Variants in DNM3 observed in about 807,000 individuals in gnomAD.
DNM3 encodes the protein dynamin-3.
DNM3 carries 47 observed loss-of-function variants against 101.6 expected under a neutral mutation model. That is an observed-to-expected ratio of 0.46 (90% CI 0.37 to 0.59). The LOEUF is 0.59. DNM3 is among the 20% of genes least tolerant of loss of function. The pLI, the probability that DNM3 is intolerant of heterozygous loss-of-function variation, is 0.00. For synonymous variants in DNM3, 385 were observed against 387.9 expected, an observed-to-expected ratio of 0.99 and a Z score of 0.09; for missense variants, 849 against 1,085.7, an observed-to-expected ratio of 0.78 and a Z score of 3.06.
chr1:172,000,170 G>A (rs991908825), intron 4 of DNM3, among the ~76,000 whole-genome samples: 13 of 152,090 alleles, frequency 8.5e-5, no homozygotes, highest in African/African-American at 2.9e-4. Flanking sequence ...TAGCAGTGGT[G>A]AATAGGAGGG....
intron 4 of DNM3, among the ~76,000 whole-genome samples, chr1:171,989,673 C>A (rs2045507839): frequency 6.6e-6 from 1 of 152,070 alleles, no homozygotes; most frequent in South Asian, 2.1e-4. Flanking sequence ...TCTCAATATC[C>A]AGAAAAGGTC....
intron 2 of DNM3, among the ~76,000 whole-genome samples, chr1:171,952,601 G>C (rs1285510658): frequency 6.6e-6 from 1 of 152,114 alleles, no homozygotes; most frequent in Non-Finnish European, 1.5e-5. Flanking sequence ...CAATCGGTTG[G>C]GGAGGCTTAG....
chr1:172,196,204 G>C (rs537672197), intron 14 of DNM3, among the ~76,000 whole-genome samples: 2 of 151,896 alleles, frequency 1.3e-5, no homozygotes, highest in Admixed American at 6.6e-5. Context: ...ATAGCCTCCA[G>C]CTCCATCCAT....
intron 1 of DNM3, among the ~76,000 whole-genome samples, chr1:171,896,648 C>T (rs2037829116): frequency 6.6e-6 from 1 of 152,162 alleles, no homozygotes; most frequent in Non-Finnish European, 1.5e-5. Flanking sequence ...ATTTCTTTCT[C>T]TTGCCTGATA....
rs916750610 is a variant in DNM3, at chr1:172,412,063, G to T, written c.*4222G>T. The T allele has an allele frequency of 3.1e-5, 31 of 984,740 alleles. 1 individual carries two copies. In the South Asian group the frequency reaches 7.5e-4, roughly 24 times the overall value. 61.0% of individuals were successfully genotyped at this position (984,740 alleles called of 1,614,324 possible). On this transcript the variant is annotated 3_prime_UTR_variant, in exon 21 of 21. Transcript: ENST00000627582. Reference sequence around the variant, plus strand: ...TATTTGTGTGTGTGTGTGTGTCTTTGTATATATGTAAGAATGTGTGTATGT... The same window carrying T: ...TATTTGTGTGTGTGTGTGTGTCTTTTTATATATGTAAGAATGTGTGTATGT...
intron 11 of DNM3, among the ~76,000 whole-genome samples, chr1:172,069,163 A>G (rs1259461147): frequency 2.0e-5 from 3 of 152,198 alleles, no homozygotes; most frequent in African/African-American, 7.2e-5. Flanking sequence ...CAGGAGTTTC[A>G]TTATTTTTTT....
chr1:172,316,226 C>G (rs1573435609), intron 16 of DNM3, among the ~76,000 whole-genome samples: 1 of 152,000 alleles, frequency 6.6e-6, no homozygotes, highest in East Asian at 1.9e-4. Context: ...CCTGAAAGAG[C>G]TCCTGAAGGA....
intron 14 of DNM3, among the ~76,000 whole-genome samples, chr1:172,241,253 G>GTGTGTGTA (rs897911023): frequency 4.0e-5 from 6 of 151,626 alleles, no homozygotes; most frequent in African/African-American, 1.2e-4. Flanking sequence ...GTGTGTGTGT[G>GTGTGTGTA]TGTGTGTGTG....
chr1:172,062,241 T>G (rs1338141640), intron 10 of DNM3, among the ~76,000 whole-genome samples: 3 of 152,170 alleles, frequency 2.0e-5, no homozygotes, highest in Non-Finnish European at 4.4e-5. Context: ...AAGAGAGAGA[T>G]AAAAATCTGG....
At chr1:171,861,559 C>T (rs2034180316) in intron 1 of DNM3, among the ~76,000 whole-genome samples, 1 of 151,906 alleles carries the variant, frequency 6.6e-6, no homozygotes, top group Non-Finnish European at 1.5e-5. Context: ...CATTGGGGCC[C>T]CTACCTCACA....
At position 172,012,345 on chromosome 1, in the gene DNM3, A is replaced by G. The variant is rs190993102; in HGVS notation, c.590-20057A>G. 5.2e-4 allele frequency among the ~76,000 whole-genome samples: 79 copies of G among 152,194 alleles called. No individual in the cohort carries two copies. The Middle Eastern group carries it at 0.01, about 20-fold the overall frequency. On this transcript the variant is annotated intron_variant, in intron 4 of 20. Coordinates refer to ENST00000627582, the MANE Select transcript of DNM3 (RefSeq NM_015569.5). ...TATGGACCAACTCTAAAAGTGGCAC[A>G]TATCACATCTCACATTCCACTAGCT...
At chr1:172,175,889 G>T (rs2059138467) in intron 14 of DNM3, among the ~76,000 whole-genome samples, 1 of 151,726 alleles carries the variant, frequency 6.6e-6, no homozygotes. Context: ...AAGTTAGAAG[G>T]TAGATTTTGT....
chr1:172,261,036 C>A (rs2148711854), intron 15 of DNM3, among the ~76,000 whole-genome samples: 1 of 152,164 alleles, frequency 6.6e-6, no homozygotes, highest in Middle Eastern at 3.4e-3. Context: ...CAGCCTCTAC[C>A]ACTGGGCTTA....
At chr1:171,912,104 ACT>A (rs1417781640) in intron 1 of DNM3, among the ~76,000 whole-genome samples, 2 of 151,530 alleles carry the variant, frequency 1.3e-5, no homozygotes, top group African/African-American at 4.9e-5. Flanking sequence ...TCTTTTAGAA[ACT>A]CTGCAGGAAG....
At chr1:171,848,163 A>G (rs2032444825) in intron 1 of DNM3, among the ~76,000 whole-genome samples, 2 of 151,896 alleles carry the variant, frequency 1.3e-5, no homozygotes, top group South Asian at 2.1e-4. Context: ...TCCTCCTGTT[A>G]TTGTTTTAGA....
At chr1:172,276,235 A>G (rs538243688) in intron 15 of DNM3, among the ~76,000 whole-genome samples, 7 of 152,026 alleles carry the variant, frequency 4.6e-5, no homozygotes, top group Admixed American at 3.3e-4. Flanking sequence ...ATAAACTGGG[A>G]CTGTCTGGGC....
At chr1:172,221,483 A>C (rs1434839175) in intron 14 of DNM3, among the ~76,000 whole-genome samples, 21 of 152,164 alleles carry the variant, frequency 1.4e-4, no homozygotes, top group Admixed American at 1.4e-3. Flanking sequence ...CGTTCACTTT[A>C]ACAATCCACA....
chr1:172,195,589 G>A (rs1047106276), intron 14 of DNM3, among the ~76,000 whole-genome samples: 1 of 151,806 alleles, frequency 6.6e-6, no homozygotes, highest in Non-Finnish European at 1.5e-5. Flanking sequence ...TCAAGTTGAA[G>A]AAGTTCCCTT....
intron 4 of DNM3, among the ~76,000 whole-genome samples, chr1:172,024,987 G>A (rs1159802651): frequency 6.6e-6 from 1 of 152,192 alleles, no homozygotes; most frequent in African/African-American, 2.4e-5. Context: ...CTGAAGCCAG[G>A]GAGCCAGGTG....
Sources: gnomAD v4.1 joint callset for allele counts (sites outside exome capture counted in the v4.1 genomes callset) on GRCh38, gnomAD v4.1.1 for gene constraint, MANE v1.5 for transcripts, NCBI Gene and HGNC (gene_info 2026-07-23, HGNC 2026-07-21) for gene names.